NEMP2: variants seen among roughly 807,000 people sequenced by gnomAD.
NEMP2 encodes UPF0571 transmembrane protein.
A neutral mutation model predicts 54.2 loss-of-function variants in NEMP2; 53 were observed. That is an observed-to-expected ratio of 0.98 (90% CI 0.78 to 1.23). The LOEUF is 1.23. NEMP2 is among the 50% of genes most tolerant of loss of function. NEMP2 has a pLI of 0.00. For missense variants in NEMP2, 455 were observed against 511.3 expected (o/e 0.89, Z 1.06); for synonymous variants, 197 against 190.3 (o/e 1.04, Z -0.29).
In NEMP2 at chr2:190,517,570, G is replaced by A; in HGVS notation, c.562C>T (p.Leu188=). Residue 188 remains leucine (L), a synonymous_variant, in exon 5 of 9, where the codon CTA becomes TTA. Coordinates refer to ENST00000409150, the MANE Select transcript of NEMP2 (RefSeq NM_001142645.2). ...YYSSGTVLGV[L]MTLVFVLLLV... is the part of the protein sequence containing the mutation. ...AGCAAGACAAAGACTAATGTCATTA[G>A]AACACCTAGCACAGTTCCCGAGGAG... The A allele has an allele frequency of 6.4e-7, 1 of 1,550,734 alleles. No homozygotes were observed. The highest frequency in any genetic ancestry group is 8.7e-7 in the Non-Finnish European group (1 of 1,146,594).
chr2:190,547,613 C>T, the NEMP2 span, among the ~76,000 whole-genome samples: 3 of 152,204 alleles, frequency 2.0e-5, no homozygotes, highest in Non-Finnish European at 2.9e-5. This position sits in a 1 kb window ranked among gnomAD's most constrained non-coding sequence, Gnocchi z 6.2. Context: ...GCAACCTCCA[C>T]CTCCTGGGTT....
At chr2:190,425,152 T>C in the NEMP2 span, among the ~76,000 whole-genome samples, 1 of 152,232 alleles carries the variant, frequency 6.6e-6, no homozygotes, top group Non-Finnish European at 1.5e-5. This position sits in a 1 kb window ranked among gnomAD's most constrained non-coding sequence, Gnocchi z 4.3. Flanking sequence ...TGTTCATTGC[T>C]AGTATACAGA....
At chr2:190,471,521 A>G in the NEMP2 span, among the ~76,000 whole-genome samples, 1 of 152,332 alleles carries the variant, frequency 6.6e-6, no homozygotes, top group African/African-American at 2.4e-5. This position sits in a 1 kb window ranked among gnomAD's most constrained non-coding sequence, Gnocchi z 4.7. Context: ...ATCAAACTGC[A>G]AGGCGGCAGT....
At chr2:190,559,328 T>C in the NEMP2 span, among the ~76,000 whole-genome samples, 4 of 152,164 alleles carry the variant, frequency 2.6e-5, no homozygotes, top group Non-Finnish European at 5.9e-5. This position sits in a 1 kb window ranked among gnomAD's most constrained non-coding sequence, Gnocchi z 4.0. Flanking sequence ...AATAGGTAAC[T>C]GGATAGGAGA....
the NEMP2 span, among the ~76,000 whole-genome samples, chr2:190,577,260 A>G: frequency 2.0e-5 from 3 of 152,230 alleles, no homozygotes; most frequent in African/African-American, 7.2e-5. This position sits in a 1 kb window ranked among gnomAD's most constrained non-coding sequence, Gnocchi z 4.8. Context: ...TTTTAACATT[A>G]AAAGAAAATA....
chr2:190,515,907 G>C (rs891191273), intron 6 of NEMP2, among the ~76,000 whole-genome samples: 1 of 152,178 alleles, frequency 6.6e-6, no homozygotes, highest in South Asian at 2.1e-4. Context: ...ATACTTACGG[G>C]AAAGAAAGAA....
the NEMP2 span, among the ~76,000 whole-genome samples, chr2:190,619,135 T>G: frequency 6.6e-6 from 1 of 151,880 alleles, no homozygotes; most frequent in Admixed American, 6.6e-5. The surrounding 1 kb of genome is among the most constrained non-coding windows in gnomAD (Gnocchi z 5.5). Context: ...ATCCCAGTAC[T>G]CGGGAGGCCA....
At chr2:190,537,801 TAATC>T (rs530270826), upstream of NEMP2, among the ~76,000 whole-genome samples, 2 of 152,184 alleles carry the variant, frequency 1.3e-5, no homozygotes, top group Non-Finnish European at 2.9e-5. Context: ...AGCTGAATGT[TAATC>T]AACAAAACTA....
chr2:190,567,432 C>A, the NEMP2 span, among the ~76,000 whole-genome samples: 1 of 151,792 alleles, frequency 6.6e-6, no homozygotes, highest in Non-Finnish European at 1.5e-5. The surrounding 1 kb of genome is among the most constrained non-coding windows in gnomAD (Gnocchi z 4.0). Flanking sequence ...AAGTACTCAA[C>A]ACAACAAATA....
At chr2:190,448,430 A>G in the NEMP2 span, among the ~76,000 whole-genome samples, 1 of 152,206 alleles carries the variant, frequency 6.6e-6, no homozygotes, top group East Asian at 1.9e-4. Flanking sequence ...CAATTGAGGA[A>G]TGGATACATT....
At chr2:190,442,836 C>T in the NEMP2 span, 85,651 of 151,820 alleles carry the variant, frequency 0.56, 24,766 homozygotes, top group Admixed American at 0.65. Context: ...GAGGTTAGGA[C>T]GGGATGCAGA....
the NEMP2 span, among the ~76,000 whole-genome samples, chr2:190,566,726 GAAGGAAA>G: frequency 6.6e-5 from 8 of 121,104 alleles, no homozygotes; most frequent in African/African-American, 2.2e-4. Flanking sequence ...AAGAAAGAAA[GAAGGAAA>G]GAAAGAAAAG....
the NEMP2 span, among the ~76,000 whole-genome samples, chr2:190,555,429 G>C: frequency 6.6e-6 from 1 of 151,892 alleles, no homozygotes; most frequent in Non-Finnish European, 1.5e-5. This position sits in a 1 kb window ranked among gnomAD's most constrained non-coding sequence, Gnocchi z 4.8. Flanking sequence ...CTTGAAAAAA[G>C]GTTAGAAGAA....
the NEMP2 span, among the ~76,000 whole-genome samples, chr2:190,473,272 A>G: frequency 6.6e-6 from 1 of 152,364 alleles, no homozygotes; most frequent in East Asian, 1.9e-4. Flanking sequence ...AAATGCTCCA[A>G]TTAAAAGACA....
chr2:190,577,765 C>T, the NEMP2 span, among the ~76,000 whole-genome samples: 11 of 152,130 alleles, frequency 7.2e-5, no homozygotes, highest in Non-Finnish European at 5.9e-5. The surrounding 1 kb of genome is among the most constrained non-coding windows in gnomAD (Gnocchi z 4.8). Context: ...CCCAGCTACT[C>T]AGGAGGCTGA....
the NEMP2 span, among the ~76,000 whole-genome samples, chr2:190,478,902 A>G: frequency 6.6e-6 from 1 of 152,096 alleles, no homozygotes; most frequent in African/African-American, 2.4e-5. Context: ...AAACACCACG[A>G]GAACTAGTAC....
At position 190,508,868 on chromosome 2, in the gene NEMP2, G is replaced by A. The variant is rs1241681556; in HGVS notation, c.*321C>T. ...AGACCAGATTTAGTGCCCTGGTGTC[G>A]ACAAAGCACCTGTTCATGCTTACTA... On this transcript the variant is annotated 3_prime_UTR_variant, in exon 9 of 9. Coordinates refer to ENST00000409150, the MANE Select transcript of NEMP2 (RefSeq NM_001142645.2). The surrounding 1 kb of genome is among the most constrained non-coding windows in gnomAD (Gnocchi z 4.3). 7.0e-6 allele frequency: 2 copies of A among 284,236 alleles called. No individual in the cohort carries two copies. Among genetic ancestry groups the A allele is most frequent in the African/African-American group, 2.2e-5 (1 of 45,762 alleles). The allele number at this position is 284,236 out of a possible 1,614,324, so 17.6% of individuals were successfully genotyped here.
At chr2:190,498,187 T>G in the NEMP2 span, among the ~76,000 whole-genome samples, 2 of 152,086 alleles carry the variant, frequency 1.3e-5, no homozygotes, top group African/African-American at 2.4e-5. This position sits in a 1 kb window ranked among gnomAD's most constrained non-coding sequence, Gnocchi z 5.9. Flanking sequence ...ACCTGAAAAA[T>G]AAGTCTAAAA....
chr2:190,455,000 A>ATGTATT, the NEMP2 span, among the ~76,000 whole-genome samples: 8 of 46,604 alleles, frequency 1.7e-4, no homozygotes, highest in East Asian at 3.8e-3. The surrounding 1 kb of genome is among the most constrained non-coding windows in gnomAD (Gnocchi z 4.6). Flanking sequence ...GTATATGTAT[A>ATGTATT]ATGTATATGT....
Sources: allele counts gnomAD v4.1 joint callset (sites outside exome capture counted in the v4.1 genomes callset), GRCh38; gene constraint gnomAD v4.1.1; non-coding constraint Gnocchi (gnomAD v3.1); transcripts MANE v1.5; gene names NCBI Gene and HGNC (gene_info 2026-07-23, HGNC 2026-07-21).